The following NME8 variants were observed in gnomAD, a reference collection of about 807,000 sequenced individuals.
NME8 encodes protein NME8.
A neutral mutation model predicts 82.3 loss-of-function variants in NME8; 72 were observed. That is an observed-to-expected ratio of 0.87 (90% confidence interval 0.72 to 1.06). The LOEUF is 1.06. Among genes scored for constraint, NME8 ranks in the 50% least tolerant of loss-of-function variants. NME8 has a pLI of 0.00. For synonymous variants in NME8, 267 were observed against 228.5 expected (o/e 1.17, Z -1.52); for missense variants, 712 against 685.4 (o/e 1.04, Z -0.43).
At chr7:37,873,937 T>C (rs1784809898) in intron 11 of NME8, among the ~76,000 whole-genome samples, 1 of 152,170 alleles carries the variant, frequency 6.6e-6, no homozygotes. Context: ...TTGGCAGCAA[T>C]TGAGAATAAG....
chr7:37,859,486 C>G (rs975253340), intron 6 of NME8, among the ~76,000 whole-genome samples: 2 of 152,324 alleles, frequency 1.3e-5, no homozygotes, highest in Middle Eastern at 3.4e-3. Flanking sequence ...CCTTTGGACA[C>G]TCTCTCCACA....
rs770929539 is a variant in NME8 at position 37,894,593 on chromosome 7, AT to A, written c.1529del (p.Leu510TrpfsTer12). 1 of 1,589,380 alleles carries A rather than the reference AT, an allele frequency of 6.3e-7. No individual in the cohort carries two copies. Among genetic ancestry groups the A allele is most frequent in the Non-Finnish European group, 8.6e-7 (1 of 1,158,174 alleles). On this transcript the variant is annotated frameshift_variant, in exon 16 of 18. Coordinates refer to ENST00000199447, the MANE Select transcript of NME8 (RefSeq NM_016616.5). LOFTEE classifies it high-confidence loss of function. Reference sequence around the variant, plus strand: ...CAGGAAAAGACTTTTATAAAGATTTATTGGAAATGTTATCTGTGTAAGTTTC... The same window carrying A: ...CAGGAAAAGACTTTTATAAAGATTTATGGAAATGTTATCTGTGTAAGTTTC... Reference protein sequence around the residue: ...VTGKDFYKDLLEMLSVGPSMV... With the variant: ...VTGKDFYKDLXEMLSVGPSMV...
At chr7:37,863,594 A>G (rs915156242) in intron 8 of NME8, 132 bp downstream of exon 8, 2 of 691,500 alleles carry the variant, frequency 2.9e-6, no homozygotes, top group South Asian at 1.5e-5. Context: ...ATAAATGATG[A>G]TTTGGGCCTT....
At chr7:37,861,959 A>T in intron 6 of NME8, 69 bp from the exon 7 acceptor site, 2 of 939,862 alleles carry the variant, frequency 2.1e-6, no homozygotes, top group Non-Finnish European at 3.5e-6. Flanking sequence ...GACTTAGTCC[A>T]GTTTAAGTGT....
intron 5 of NME8, 96 bp downstream of exon 5, chr7:37,850,831 C>G: frequency 1.2e-6 from 1 of 802,146 alleles, no homozygotes; most frequent in Non-Finnish European, 2.2e-6. Context: ...TTTAAACAAC[C>G]TGTCAGTTCT....
At chr7:37,895,900 TG>T (rs2131976639) in intron 16 of NME8, among the ~76,000 whole-genome samples, 1 of 152,244 alleles carries the variant, frequency 6.6e-6, no homozygotes, top group South Asian at 2.1e-4. Context: ...ATAGCCTAGG[TG>T]TGTAAGAGGC....
intron 14 of NME8, among the ~76,000 whole-genome samples, chr7:37,887,432 G>T (rs1331228415): frequency 6.6e-6 from 1 of 152,172 alleles, no homozygotes; most frequent in East Asian, 1.9e-4. Context: ...GAAAGCCACA[G>T]AAGAAAATTT....
At chr7:37,853,554 T>C (rs549314437) in intron 5 of NME8, among the ~76,000 whole-genome samples, 1 of 152,268 alleles carries the variant, frequency 6.6e-6, no homozygotes, top group African/African-American at 2.4e-5. Flanking sequence ...AGGAAATTCT[T>C]GTGAATCCTG....
At chr7:37,888,579 A>G (rs1022069836) in intron 15 of NME8, 151 bp downstream of exon 15, 27 of 675,492 alleles carry the variant, frequency 4.0e-5, no homozygotes, top group African/African-American at 3.6e-4. Context: ...TTTAGATTCA[A>G]CAATTAACTT....
chr7:37,877,018 A>G lies in NME8; in HGVS notation c.994+11A>G. The G allele has an allele frequency of 1.2e-6, 2 of 1,605,208 alleles. No individual in the cohort carries two copies. Among genetic ancestry groups the G allele is most frequent in the South Asian group, 1.1e-5 (1 of 90,840 alleles). On this transcript the variant is annotated intron_variant, in intron 12 of 17. Coordinates refer to ENST00000199447, the MANE Select transcript of NME8 (RefSeq NM_016616.5). The stretch of plus-strand genomic sequence containing the variant: ...TTCATGAAAGGAAAGGTAGGGAATC[A>G]AGCATAAATTGTTTAAGTATTTTAT...
intron 11 of NME8, 49 bp downstream of exon 11, chr7:37,867,947 A>G: frequency 6.5e-7 from 1 of 1,540,342 alleles, no homozygotes; most frequent in Non-Finnish European, 8.9e-7. Flanking sequence ...GTTATTGGGT[A>G]ATGAAGCGTA....
intron 11 of NME8, among the ~76,000 whole-genome samples, chr7:37,873,198 A>G (rs1024001027): frequency 1.3e-5 from 2 of 152,130 alleles, no homozygotes; most frequent in African/African-American, 4.8e-5. Flanking sequence ...CGTCTCTACT[A>G]AACATGCAAA....
chr7:37,850,143 A>G, intron 2 of NME8, 117 bp from the exon 3 acceptor site: 5 of 741,346 alleles, frequency 6.7e-6, no homozygotes, highest in Admixed American at 2.0e-5. Flanking sequence ...AAATATATAC[A>G]CCTACTATGT....
chr7:37,850,465 C>T (rs1260421569), intron 4 of NME8, 30 bp downstream of exon 4: 7 of 1,613,160 alleles, frequency 4.3e-6, no homozygotes, highest in Non-Finnish European at 5.1e-6. Flanking sequence ...GTCTGGCCAC[C>T]TGGGGTTTGA....
chr7:37,873,031 T>G (rs1784792223), intron 11 of NME8, among the ~76,000 whole-genome samples: 1 of 152,194 alleles, frequency 6.6e-6, no homozygotes, highest in Non-Finnish European at 1.5e-5. Flanking sequence ...AAATTATTTT[T>G]AAGTACTAGT....
intron 5 of NME8, among the ~76,000 whole-genome samples, chr7:37,851,694 A>G (rs943569467): frequency 1.3e-5 from 2 of 152,074 alleles, no homozygotes; most frequent in Non-Finnish European, 2.9e-5. Flanking sequence ...TCCCTACTGG[A>G]GAATTTATAT....
At chr7:37,864,543 T>A in intron 9 of NME8, 122 bp downstream of exon 9, 1 of 1,034,994 alleles carries the variant, frequency 9.7e-7, no homozygotes, top group South Asian at 1.5e-5. Flanking sequence ...TGGTGCTAGG[T>A]ACCTCTAGAG....
intron 15 of NME8, among the ~76,000 whole-genome samples, chr7:37,893,048 A>T (rs1785155657): frequency 6.6e-6 from 1 of 151,796 alleles, no homozygotes; most frequent in African/African-American, 2.4e-5. Flanking sequence ...CTCAGCTCAG[A>T]TTTTCTCTTG....
intron 17 of NME8, among the ~76,000 whole-genome samples, chr7:37,899,233 T>C (rs1282643951): frequency 6.6e-6 from 1 of 152,192 alleles, no homozygotes; most frequent in African/African-American, 2.4e-5. Context: ...CATGCACGGA[T>C]ATATTCATGG....
Sources: allele counts gnomAD v4.1 joint callset (sites outside exome capture counted in the v4.1 genomes callset), GRCh38; gene constraint gnomAD v4.1.1; transcripts MANE v1.5; gene names NCBI Gene and HGNC (gene_info 2026-07-23, HGNC 2026-07-21).